The following SPIRE1 variants were observed in gnomAD, a reference collection of about 807,000 sequenced individuals.
The protein encoded by SPIRE1 is spire type actin nucleation factor 1, also known as protein spire homolog 1.
A neutral mutation model predicts 94.1 loss-of-function variants in SPIRE1; 40 were observed. That is an observed-to-expected ratio of 0.43 (90% CI 0.33 to 0.55). The LOEUF is 0.55. Ranked by LOEUF, SPIRE1 falls within the 20% of genes least tolerant of loss-of-function variation. The pLI is 0.06. For missense variants in SPIRE1, 838 were observed against 975.2 expected (o/e 0.86, Z 1.87); for synonymous variants, 376 against 371.7 (o/e 1.01, Z -0.13).
At position 12,450,242 on chromosome 18, in the gene SPIRE1, C is replaced by A. The variant is rs762847804; in HGVS notation, c.2013-346G>T. On this transcript the variant is annotated intron_variant, in intron 16 of 16. Transcript: ENST00000409402. ...GGCATGGTGGTGGGCCCCTGTAATC[C>A]CCACTTCTCTGGAGGCTGAGGCGGG... Among the ~76,000 whole-genome samples the A allele has an allele frequency of 3.6e-4, 54 of 151,578 alleles. 1 individual carries two copies. The highest frequency in any genetic ancestry group is 2.4e-3 in the Admixed American group (37 of 15,220).
At position 12,449,710 on chromosome 18, in the gene SPIRE1, C is replaced by T. The variant is rs774067125; in HGVS notation, c.2199G>A (p.Thr733=). The T allele has an allele frequency of 8.7e-6, 14 of 1,614,112 alleles. No individual in the cohort carries two copies. Among genetic ancestry groups the T allele is most frequent in the Admixed American group, 5.0e-5 (3 of 60,018 alleles). Residue 733 remains threonine, a synonymous_variant, in exon 17 of 17, where the codon ACG becomes ACA. Coordinates refer to ENST00000409402, the MANE Select transcript of SPIRE1 (RefSeq NM_001128626.2). ...CTGGCGAGGACATGTAGAAAGACTG[C>T]GTTTTCCTTTTCAATCGGGCCCTTT... ...ANKRARLKRK[T]QSFYMSSPGP... is the part of the protein sequence containing the mutation.
At position 12,559,614 on chromosome 18, in the gene SPIRE1, C is replaced by T. The variant is rs748167595; in HGVS notation, c.373-12710G>A. 6.6e-6 allele frequency among the ~76,000 whole-genome samples: 1 copy of T among 152,116 alleles called. No individual in the cohort carries two copies. The highest frequency in any genetic ancestry group is 2.1e-4 in the South Asian group (1 of 4,824). On this transcript the variant is annotated intron_variant, in intron 2 of 16. Coordinates refer to ENST00000409402, the MANE Select transcript of SPIRE1 (RefSeq NM_001128626.2). This position sits in a 1 kb window ranked among gnomAD's most constrained non-coding sequence, Gnocchi z 4.7. ...GGCCTGAGGAGGTGCCAAGAGCGAG[C>T]GAGGGCTGCTAGCACGTTGTCACCT...
intron 10 of SPIRE1, among the ~76,000 whole-genome samples, chr18:12,473,371 CT>C (rs1200891496): frequency 6.6e-6 from 1 of 151,722 alleles, no homozygotes; most frequent in Non-Finnish European, 1.5e-5. Flanking sequence ...TAGTGTTGCT[CT>C]TAATAATGGT....
At chr18:12,560,503 T>C (rs2035649857) in intron 2 of SPIRE1, among the ~76,000 whole-genome samples, 1 of 152,200 alleles carries the variant, frequency 6.6e-6, no homozygotes, top group Non-Finnish European at 1.5e-5. Flanking sequence ...AAACTTCACA[T>C]GTTCTTACTT....
At chr18:12,535,929 T>C (rs2034828632) in intron 3 of SPIRE1, among the ~76,000 whole-genome samples, 1 of 152,118 alleles carries the variant, frequency 6.6e-6, no homozygotes, top group Non-Finnish European at 1.5e-5. Flanking sequence ...TACTCTAGCA[T>C]GGGTGACAGA....
At chr18:12,642,281 A>G (rs1361536181) in intron 1 of SPIRE1, among the ~76,000 whole-genome samples, 1 of 152,144 alleles carries the variant, frequency 6.6e-6, no homozygotes, top group Non-Finnish European at 1.5e-5. Flanking sequence ...AGGCTCTAGG[A>G]CTTTCAGCCT....
At chr18:12,535,737 A>C in intron 3 of SPIRE1, 136 bp from the exon 4 acceptor site, 19 of 661,076 alleles carry the variant, frequency 2.9e-5, no homozygotes, top group Non-Finnish European at 4.6e-5. Context: ...CAGGCAGATC[A>C]TGAGGTCGAG....
intron 7 of SPIRE1, among the ~76,000 whole-genome samples, chr18:12,494,224 C>G (rs1050853909): frequency 1.3e-5 from 2 of 152,096 alleles, no homozygotes; most frequent in Non-Finnish European, 2.9e-5. Flanking sequence ...GTGAACACCC[C>G]GCTCTACTGT....
intron 2 of SPIRE1, among the ~76,000 whole-genome samples, chr18:12,549,271 T>TA (rs2035266071): frequency 6.6e-6 from 1 of 152,108 alleles, no homozygotes; most frequent in Non-Finnish European, 1.5e-5. Context: ...ATCAAAAAGT[T>TA]AGATTACATT....
At chr18:12,557,006 T>C (rs557656644) in intron 2 of SPIRE1, among the ~76,000 whole-genome samples, 8 of 152,314 alleles carry the variant, frequency 5.3e-5, no homozygotes, top group African/African-American at 1.7e-4. Flanking sequence ...AGGGTGCTGA[T>C]TGGTGCGTTT....
At chr18:12,625,700 G>T (rs189746020) in intron 2 of SPIRE1, among the ~76,000 whole-genome samples, 1 of 152,228 alleles carries the variant, frequency 6.6e-6, no homozygotes, top group East Asian at 1.9e-4. Context: ...TTTCAGGTTG[G>T]ATTTTTTAGT....
intron 2 of SPIRE1, among the ~76,000 whole-genome samples, chr18:12,557,667 C>T (rs918241741): frequency 2.6e-5 from 4 of 151,738 alleles, no homozygotes; most frequent in East Asian, 3.9e-4. Context: ...GCACCAAGAG[C>T]GAGCAAGGGC....
chr18:12,491,721 T>A (rs1205286213), intron 8 of SPIRE1, among the ~76,000 whole-genome samples: 4 of 152,168 alleles, frequency 2.6e-5, no homozygotes, highest in East Asian at 1.9e-4. Flanking sequence ...ATGGGCCCTG[T>A]CATCACGAAG....
intron 2 of SPIRE1, among the ~76,000 whole-genome samples, chr18:12,613,991 GCA>G (rs1491274024): frequency 6.6e-6 from 1 of 152,132 alleles, no homozygotes; most frequent in Non-Finnish European, 1.5e-5. Flanking sequence ...AAGCACGGTG[GCA>G]CACACACTGC....
chr18:12,610,417 A>G lies in SPIRE1; in HGVS notation c.372+24645T>C, dbSNP rs141313800. ...CCCTACCATCCATTGATCTTAAGTT[A>G]TATTTACTTTCCCTCATTCCTCACC... On this transcript the variant is annotated intron_variant, in intron 2 of 16. Transcript: ENST00000409402. 2.4e-3 allele frequency among the ~76,000 whole-genome samples: 359 copies of G among 152,240 alleles called. 3 individuals are homozygous for G. The highest frequency in any genetic ancestry group is 0.014 in the South Asian group (69 of 4,824).
In SPIRE1 at chr18:12,449,859, C is replaced by T. The variant is rs771874253; in HGVS notation, c.2050G>A (p.Glu684Lys). The change falls in exon 17 of 17, where the codon GAA becomes AAA. Residue 684 changes from glutamate to lysine, a missense_variant. By Grantham distance (56) the Glu-to-Lys change is moderately conservative. Coordinates refer to ENST00000409402, the MANE Select transcript of SPIRE1 (RefSeq NM_001128626.2). ...SKSKSMDKSD[E>K]ELQFPKELME... ...AACTCTTTGGGAAACTGGAGTTCTT[C>T]ATCTGATTTGTCCATAGACTTAGAT... 4 of 1,614,142 alleles carry T rather than the reference C, an allele frequency of 2.5e-6. No individual in the cohort carries two copies. Among genetic ancestry groups the T allele is most frequent in the Non-Finnish European group, 3.4e-6 (4 of 1,180,010 alleles).
intron 5 of SPIRE1, among the ~76,000 whole-genome samples, chr18:12,510,137 T>G (rs2033988439): frequency 6.7e-6 from 1 of 150,100 alleles, no homozygotes; most frequent in African/African-American, 2.5e-5. Context: ...TACATTTATA[T>G]AAAATTCTAG....
rs564350515 is a variant in SPIRE1 at position 12,628,635 on chromosome 18, T to C, written c.372+6427A>G. Among the ~76,000 whole-genome samples the C allele has an allele frequency of 2.0e-5, 3 of 152,316 alleles. No homozygotes were observed. In the East Asian group the frequency reaches 5.8e-4, roughly 29 times the overall value. ...ATGGCATTGAATCTATAAATTATCT[T>C]GGGCAGTATGGCCATTTTCACGATA... On this transcript the variant is annotated intron_variant, in intron 2 of 16. Coordinates refer to ENST00000409402, the MANE Select transcript of SPIRE1 (RefSeq NM_001128626.2).
intron 12 of SPIRE1, among the ~76,000 whole-genome samples, chr18:12,458,100 T>C (rs1176978520): frequency 1.3e-5 from 2 of 151,086 alleles, no homozygotes; most frequent in Non-Finnish European, 2.9e-5. Context: ...CGCCTCGGCC[T>C]CCCAAAGTGC....
Sources: gnomAD v4.1 joint callset for allele counts (sites outside exome capture counted in the v4.1 genomes callset) on GRCh38, gnomAD v4.1.1 for gene constraint, Gnocchi (gnomAD v3.1) non-coding constraint, MANE v1.5 for transcripts, NCBI Gene and HGNC (gene_info 2026-07-23, HGNC 2026-07-21) for gene names.